ST3GAL1: variants seen among roughly 807,000 people sequenced by gnomAD.
The protein encoded by ST3GAL1 is ST3 beta-galactoside alpha-2,3-sialyltransferase 1, also known as CMP-N-acetylneuraminate-beta-galactosamide-alpha-2,3-sialyltransferase 1.
In ST3GAL1, 16 loss-of-function variants were observed where a neutral mutation model predicts 34.1. That is an observed-to-expected ratio of 0.47 (90% CI 0.32 to 0.71). The LOEUF is 0.71. ST3GAL1 is among the 30% of genes least tolerant of loss of function. ST3GAL1 has a pLI of 0.04. For missense variants in ST3GAL1, 353 were observed against 447.4 expected (o/e 0.79, Z 1.90); for synonymous variants, 191 against 184.7 (o/e 1.03, Z -0.28).
chr8:133,560,381 A>T (rs1819183447), intron 1 of ST3GAL1, among the ~76,000 whole-genome samples: 1 of 152,226 alleles, frequency 6.6e-6, no homozygotes, highest in Non-Finnish European at 1.5e-5. Flanking sequence ...TGAATTTAGC[A>T]GCTTAGAAGA....
intron 1 of ST3GAL1, among the ~76,000 whole-genome samples, chr8:133,551,616 A>AAGAG (rs200211955): frequency 7.4e-6 from 1 of 134,990 alleles, no homozygotes; most frequent in East Asian, 2.3e-4. Context: ...GAAAGAAAGA[A>AAGAG]AGAGCGAGCA....
intron 2 of ST3GAL1, among the ~76,000 whole-genome samples, chr8:133,537,840 G>A (rs1171146221): frequency 6.6e-6 from 1 of 152,210 alleles, no homozygotes; most frequent in Non-Finnish European, 1.5e-5. Flanking sequence ...GAGCACCCAG[G>A]GAGGGCACTT....
intron 2 of ST3GAL1, among the ~76,000 whole-genome samples, chr8:133,514,956 C>A (rs1017044253): frequency 2.0e-5 from 3 of 152,144 alleles, no homozygotes; most frequent in African/African-American, 7.2e-5. Context: ...AGATGCCAAG[C>A]CCTCTGGGAA....
chr8:133,542,603 C>T (rs543869436), intron 2 of ST3GAL1, among the ~76,000 whole-genome samples: 93 of 152,040 alleles, frequency 6.1e-4, no homozygotes, highest in African/African-American at 2.0e-3. Flanking sequence ...GATGAAACCC[C>T]ATCTCTACTA....
intron 2 of ST3GAL1, among the ~76,000 whole-genome samples, chr8:133,504,890 G>A (rs1051291364): frequency 3.3e-5 from 5 of 152,156 alleles, no homozygotes; most frequent in East Asian, 1.9e-4. Context: ...TTGTTTTTTC[G>A]GGGGATCTAG....
chr8:133,549,729 G>A (rs1409664298), intron 1 of ST3GAL1, among the ~76,000 whole-genome samples: 2 of 152,170 alleles, frequency 1.3e-5, no homozygotes, highest in East Asian at 1.9e-4. Flanking sequence ...TTGGGAGGCC[G>A]AGGTGGGCAA....
chr8:133,548,340 T>A (rs1818728109), intron 1 of ST3GAL1, among the ~76,000 whole-genome samples: 1 of 152,186 alleles, frequency 6.6e-6, no homozygotes, highest in Non-Finnish European at 1.5e-5. Flanking sequence ...TACTTTCTAC[T>A]CACCCTTCAC....
At position 133,461,910 on chromosome 8, in the gene ST3GAL1, G is replaced by A. The variant is rs1339623011; in HGVS notation, c.814C>T (p.Leu272Phe). The change falls in exon 9 of 10, where the codon CTC becomes TTC. Residue 272 changes from leucine (L) to phenylalanine (F), a missense_variant. Leu to Phe is a conservative substitution (Grantham distance 22, BLOSUM62 0). Transcript: ENST00000522652. This position sits in a 1 kb window ranked among gnomAD's most constrained non-coding sequence, Gnocchi z 4.7. ...GHGRYPSTGI[L>F]SVIFSMHVCD... ...ACATGCATTGAGAAGATGACCGAGAGGATGCCGGTAGATGGGTATCGCCCG... is the reference window on the plus strand; with the variant it reads ...ACATGCATTGAGAAGATGACCGAGAAGATGCCGGTAGATGGGTATCGCCCG... The A allele has an allele frequency of 6.2e-7, 1 of 1,614,218 alleles. No individual in the cohort carries two copies. The highest frequency in any genetic ancestry group is 1.7e-5 in the Admixed American group (1 of 60,032).
intron 2 of ST3GAL1, among the ~76,000 whole-genome samples, chr8:133,525,078 T>A (rs2131033879): frequency 6.6e-6 from 1 of 152,296 alleles, no homozygotes; most frequent in African/African-American, 2.4e-5. Context: ...TGAGTTCTTG[T>A]ACCATGTCCA....
chr8:133,476,290 T>G lies in ST3GAL1; in HGVS notation c.-63A>C. On this transcript the variant is annotated 5_prime_UTR_variant, in exon 4 of 10. Coordinates refer to ENST00000522652, the MANE Select transcript of ST3GAL1 (RefSeq NM_173344.3). The stretch of plus-strand genomic sequence containing the variant: ...TGCATATATTTACCTTTTCAGAAAA[T>G]AAAGTAGCCTATTCTTCTGCAATCC... The G allele has an allele frequency of 2.6e-6, 1 of 382,330 alleles. No homozygotes were observed. 23.7% of individuals were successfully genotyped at this position (382,330 alleles called of 1,614,324 possible).
Position 133,455,572 on chromosome 8 carries a change from G to A in ST3GAL1, c.*4192C>T, listed in dbSNP as rs1815266522. ...TCAAAACTAGCTAGCCCAGTCCACA[G>A]GGCAGGATAATCCTGATGGCGTGTA... On this transcript the variant is annotated 3_prime_UTR_variant, in exon 10 of 10. Coordinates refer to ENST00000522652, the MANE Select transcript of ST3GAL1 (RefSeq NM_173344.3). 6.6e-6 allele frequency: 1 copy of A among 152,278 alleles called. No individual in the cohort carries two copies. The highest frequency in any genetic ancestry group is 1.5e-5 in the Non-Finnish European group (1 of 68,090). 9.4% of individuals were successfully genotyped at this position (152,278 alleles called of 1,614,324 possible).
intron 6 of ST3GAL1, 63 bp from the exon 7 acceptor site, chr8:133,465,020 G>C: frequency 6.6e-7 from 1 of 1,523,128 alleles, no homozygotes; most frequent in African/African-American, 1.4e-5. Context: ...GACAGCCTGA[G>C]AGCTCCGAGA....
chr8:133,548,417 C>T (rs1226639437), intron 1 of ST3GAL1, among the ~76,000 whole-genome samples: 1 of 152,176 alleles, frequency 6.6e-6, no homozygotes, highest in African/African-American at 2.4e-5. Context: ...TGGGCACTGC[C>T]CCTCGATATT....
rs947328017 is a variant in ST3GAL1, at chr8:133,455,650, G to A, written c.*4114C>T. On this transcript the variant is annotated 3_prime_UTR_variant, in exon 10 of 10. Transcript: ENST00000522652. The stretch of plus-strand genomic sequence containing the variant: ...GCGATGGATATAATGATACCCCCGG[G>A]GCTCTTCTCAGGGGTGAGGACAGGT... 2 of 152,312 alleles carry A rather than the reference G, an allele frequency of 1.3e-5. No individual in the cohort carries two copies. Among genetic ancestry groups the A allele is most frequent in the African/African-American group, 4.8e-5 (2 of 41,432 alleles). 9.4% of individuals were successfully genotyped at this position (152,312 alleles called of 1,614,324 possible).
intron 3 of ST3GAL1, chr8:133,488,451 G>A (rs1816681325): frequency 6.6e-6 from 1 of 152,270 alleles, no homozygotes; most frequent in Admixed American, 6.5e-5. Context: ...TGGAAAAGAA[G>A]AAATTCTGCC....
rs150061087 is a variant in ST3GAL1, at chr8:133,554,147, T to A, written c.-581-8221A>T. Among the ~76,000 whole-genome samples the A allele has an allele frequency of 6.0e-3, 911 of 152,302 alleles. 19 individuals are homozygous for A. Among genetic ancestry groups the A allele is most frequent in the African/African-American group, 0.021 (858 of 41,552 alleles). ...CCGCTCCTCATTGTTGAGCTCCTACTAGGTACCAGGCACTTTTCCAAAAGT... is the reference window on the plus strand; with the variant it reads ...CCGCTCCTCATTGTTGAGCTCCTACAAGGTACCAGGCACTTTTCCAAAAGT... On this transcript the variant is annotated intron_variant, in intron 1 of 9. Transcript: ENST00000522652.
Position 133,459,963 on chromosome 8 carries a change from A to T in ST3GAL1, c.850-26T>A, listed in dbSNP as rs1329488353. 1.9e-6 allele frequency: 3 copies of T among 1,591,862 alleles called. No individual in the cohort carries two copies. Among genetic ancestry groups the T allele is most frequent in the South Asian group, 1.1e-5 (1 of 89,154 alleles). On this transcript the variant is annotated intron_variant, in intron 9 of 9. Transcript: ENST00000522652. This position sits in a 1 kb window ranked among gnomAD's most constrained non-coding sequence, Gnocchi z 4.7. ...CTGTGGGAGCAAAGCAAAGATGAGA[A>T]CCAGACAGCAGGGCTGCTGGTGGCA...
chr8:133,522,369 T>G (rs1586638764), intron 2 of ST3GAL1, among the ~76,000 whole-genome samples: 1 of 152,052 alleles, frequency 6.6e-6, no homozygotes, highest in Non-Finnish European at 1.5e-5. Flanking sequence ...GCACAGAAGG[T>G]TCCCTGCTTT....
chr8:133,487,478 G>A (rs1444488996), intron 3 of ST3GAL1, among the ~76,000 whole-genome samples: 1 of 152,222 alleles, frequency 6.6e-6, no homozygotes, highest in African/African-American at 2.4e-5. Context: ...GAAATGGCAT[G>A]TGTGAGTTTC....
Sources: gnomAD v4.1 joint callset for allele counts (sites outside exome capture counted in the v4.1 genomes callset) on GRCh38, gnomAD v4.1.1 for gene constraint, Gnocchi (gnomAD v3.1) non-coding constraint, MANE v1.5 for transcripts, NCBI Gene and HGNC (gene_info 2026-07-23, HGNC 2026-07-21) for gene names.